The following RTF1 variants were observed in gnomAD, a reference collection of about 807,000 sequenced individuals.
RTF1 encodes the protein RTF1 homolog, Paf1/RNA polymerase II complex component, also known as RNA polymerase-associated protein RTF1 homolog.
In RTF1, 10 loss-of-function variants were observed where a neutral mutation model predicts 95.7. The observed-to-expected ratio is 0.10, with a 90% CI of 0.06 to 0.18. RTF1 has a LOEUF of 0.18. Among genes scored for constraint, RTF1 ranks in the 10% least tolerant of loss-of-function variants. The probability of loss-of-function intolerance (pLI) is 1.00; values close to 1 mark genes in which losing one functional copy is unlikely to be tolerated. For missense variants in RTF1, 458 were observed against 875.6 expected (o/e 0.52, Z 6.02); for synonymous variants, 305 against 311.8 (o/e 0.98, Z 0.23).
At chr15:41,457,951 C>A in intron 4 of RTF1, 75 bp downstream of exon 4, 1 of 1,163,458 alleles carries the variant, frequency 8.6e-7, no homozygotes, top group Non-Finnish European at 1.2e-6. Context: ...ACTTCCCTGT[C>A]CTTCACACCT....
intron 2 of RTF1, among the ~76,000 whole-genome samples, chr15:41,446,969 A>G (rs1028662662): frequency 2.6e-5 from 4 of 151,722 alleles, no homozygotes; most frequent in African/African-American, 9.7e-5. Context: ...GGCCTGGCTA[A>G]TTTTTGTATT....
At chr15:41,474,915 G>A (rs2050934992) in intron 9 of RTF1, among the ~76,000 whole-genome samples, 1 of 152,170 alleles carries the variant, frequency 6.6e-6, no homozygotes, top group African/African-American at 2.4e-5. Context: ...ATATGAAGGG[G>A]TAGGACACAG....
chr15:41,438,457 G>C (rs929350994), intron 2 of RTF1, 26 bp downstream of exon 2: 2 of 1,475,388 alleles, frequency 1.4e-6, no homozygotes, highest in East Asian at 5.0e-5. Flanking sequence ...CTCGGCTTCT[G>C]GGACCATTAG....
chr15:41,461,943 G>T (rs1293739356), intron 4 of RTF1, among the ~76,000 whole-genome samples: 6 of 149,888 alleles, frequency 4.0e-5, no homozygotes, highest in East Asian at 2.0e-4. Flanking sequence ...TTTTAGAGAG[G>T]GGGGGTTTGC....
At chr15:41,464,036 G>A (rs2050866956) in intron 4 of RTF1, among the ~76,000 whole-genome samples, 1 of 151,612 alleles carries the variant, frequency 6.6e-6, no homozygotes, top group South Asian at 2.1e-4. Context: ...ATTTTTAGTG[G>A]AGATGGGGTT....
At chr15:41,423,919 AT>A (rs1319322712) in intron 1 of RTF1, among the ~76,000 whole-genome samples, 1 of 151,670 alleles carries the variant, frequency 6.6e-6, no homozygotes, top group Non-Finnish European at 1.5e-5. Context: ...TGCCCGACTA[AT>A]TTTTGTATTT....
At chr15:41,477,419 T>G (rs1185289141) in intron 13 of RTF1, 39 bp from the exon 14 acceptor site, 1 of 1,613,440 alleles carries the variant, frequency 6.2e-7, no homozygotes, top group Non-Finnish European at 8.5e-7. Context: ...CCTCCCTCCC[T>G]TGTTTCACAG....
intron 1 of RTF1, among the ~76,000 whole-genome samples, chr15:41,423,068 G>A (rs1034820228): frequency 1.3e-5 from 2 of 152,054 alleles, no homozygotes; most frequent in African/African-American, 4.8e-5. Flanking sequence ...CACCGTGCCC[G>A]GCCAGCCCTG....
chr15:41,457,898 TCCCC>T, intron 4 of RTF1, 22 bp downstream of exon 4: 1 of 1,505,752 alleles, frequency 6.6e-7, no homozygotes, highest in Non-Finnish European at 9.1e-7. Context: ...CTCGTCGTTG[TCCCC>T]CCCCCGCCCC....
intron 1 of RTF1, among the ~76,000 whole-genome samples, chr15:41,418,147 A>G (rs570435409): frequency 7.6e-4 from 116 of 152,300 alleles, no homozygotes; most frequent in African/African-American, 2.7e-3. Context: ...TCTAGAAAAC[A>G]TTGTAGGGAG....
At chr15:41,472,553 C>G (rs2050918321) in intron 8 of RTF1, among the ~76,000 whole-genome samples, 1 of 142,980 alleles carries the variant, frequency 7.0e-6, no homozygotes, top group African/African-American at 2.6e-5. Context: ...GAGTCTTACC[C>G]CGTTGCCCAG....
At chr15:41,451,466 G>A (rs2050789205) in intron 2 of RTF1, among the ~76,000 whole-genome samples, 1 of 152,084 alleles carries the variant, frequency 6.6e-6, no homozygotes, top group African/African-American at 2.4e-5. Flanking sequence ...TTTTGGCCTT[G>A]GGGTAGTTAA....
At chr15:41,464,935 T>TGA in intron 5 of RTF1, 50 bp downstream of exon 5, 2 of 441,614 alleles carry the variant, frequency 4.5e-6, no homozygotes, top group Non-Finnish European at 6.6e-6. Context: ...CTGTTTTGAG[T>TGA]GTGTGTGTGT....
intron 3 of RTF1, among the ~76,000 whole-genome samples, chr15:41,454,890 A>G (rs545227578): frequency 4.3e-4 from 66 of 152,354 alleles, no homozygotes; most frequent in Admixed American, 2.0e-3. Flanking sequence ...GAGTTTGTGA[A>G]TACCCATATG....
chr15:41,417,692 G>A lies in RTF1; in HGVS notation c.198+379G>A, dbSNP rs376546733. On this transcript the variant is annotated intron_variant, in intron 1 of 17. Coordinates refer to ENST00000389629, the MANE Select transcript of RTF1 (RefSeq NM_015138.5). ...CGCCCGCCAACCTGGGAGGCTGGGA[G>A]GTTTTGGAGGAGGTGCAAGGGTGCG... 3.3e-5 allele frequency among the ~76,000 whole-genome samples: 5 copies of A among 152,366 alleles called. No homozygotes were observed. In the East Asian group the frequency reaches 5.8e-4, roughly 18 times the overall value.
At chr15:41,469,497 C>T (rs1037948736) in intron 6 of RTF1, among the ~76,000 whole-genome samples, 8 of 151,446 alleles carry the variant, frequency 5.3e-5, no homozygotes, top group African/African-American at 1.5e-4. Flanking sequence ...GCTGGGATTA[C>T]AGGCATGAGT....
intron 16 of RTF1, 151 bp from the exon 17 acceptor site, chr15:41,480,063 T>C: frequency 1.6e-6 from 1 of 606,682 alleles, no homozygotes; most frequent in Admixed American, 2.8e-5. Flanking sequence ...TCTTTGTCTG[T>C]GGCCTCCCTC....
chr15:41,452,301 T>G (rs1166619503), intron 2 of RTF1, among the ~76,000 whole-genome samples: 2 of 151,228 alleles, frequency 1.3e-5, no homozygotes, highest in African/African-American at 2.4e-5. Flanking sequence ...CCGGGTGTGG[T>G]GGTACACGCC....
intron 15 of RTF1, 120 bp downstream of exon 15, chr15:41,478,745 T>C: frequency 1.1e-6 from 1 of 890,122 alleles, no homozygotes; most frequent in South Asian, 1.4e-5. Flanking sequence ...TTTGCTTGTC[T>C]GAAGCTCTTG....
Sources: allele counts gnomAD v4.1 joint callset (sites outside exome capture counted in the v4.1 genomes callset), GRCh38; gene constraint gnomAD v4.1.1; transcripts MANE v1.5; gene names NCBI Gene and HGNC (gene_info 2026-07-23, HGNC 2026-07-21).